DLX1: variants seen among roughly 807,000 people sequenced by gnomAD.
The protein encoded by DLX1 is homeobox protein DLX-1.
DLX1 carries 7 observed loss-of-function variants against 25.0 expected under a neutral mutation model. That is an observed-to-expected ratio of 0.28 (90% CI 0.16 to 0.52). The LOEUF (loss-of-function observed/expected upper bound fraction) is 0.52. DLX1 is among the 20% of genes least tolerant of loss of function. DLX1 has a pLI of 0.96. For missense variants in DLX1, 233 were observed against 334.4 expected, an observed-to-expected ratio of 0.70 and a Z score of 2.37; for synonymous variants, 155 against 140.3, an observed-to-expected ratio of 1.10 and a Z score of -0.74.
At position 172,087,663 on chromosome 2, in the gene DLX1, T is replaced by C. The variant is rs1041752625; in HGVS notation, c.514-340T>C. 4 of 553,260 alleles carry C rather than the reference T, an allele frequency of 7.2e-6. No homozygotes were observed. In the African/African-American group the frequency reaches 7.5e-5, roughly 10 times the overall value. The allele number at this position is 553,260 out of a possible 1,614,324, so 34.3% of individuals were successfully genotyped here. A position where few individuals can be genotyped will look rare whatever the true frequency, so the allele number is the denominator to read the frequency against. ...TATTGGAATTGCTGGCTCGGTGTTA[T>C]GCAGGCGCTGTATCTTCCGCAGGCG... On this transcript the variant is annotated intron_variant, in intron 2 of 2. Transcript: ENST00000361725.
At chr2:172,087,637 A>G (rs1173505497) in intron 2 of DLX1, 1 of 508,628 alleles carries the variant, frequency 2.0e-6, no homozygotes, top group Admixed American at 2.3e-5. Flanking sequence ...ATTGATGTTG[A>G]TATTGGAATT....
In DLX1 at chr2:172,088,027, C is replaced by A. The variant is rs759462574; in HGVS notation, c.538C>A (p.Arg180=). ...GGTCAAGATCTGGTTCCAAAACAAG[C>A]GATCCAAGTTCAAGAAGCTGATGAA... is the stretch of plus-strand genomic sequence containing the variant. ...TQVKIWFQNK[R]SKFKKLMKQG... is the part of the protein sequence containing the mutation. Residue 180 remains arginine (R), a synonymous_variant, in exon 3 of 3, where the codon CGA becomes AGA. Coordinates refer to ENST00000361725, the MANE Select transcript of DLX1 (RefSeq NM_178120.5). The A allele has an allele frequency of 2.6e-6, 4 of 1,514,544 alleles. No individual in the cohort carries two copies. In the South Asian group the frequency reaches 4.0e-5, roughly 15 times the overall value. The allele number at this position is 1,514,544 out of a possible 1,614,324, so 93.8% of individuals were successfully genotyped here.
Position 172,088,163 on chromosome 2 carries a change from G to C in DLX1, c.674G>C (p.Gly225Ala), listed in dbSNP as rs1419038406. The change falls in exon 3 of 3, where the codon GGC (glycine) becomes GCC (alanine). Residue 225 changes from glycine to alanine, a missense_variant. Gly to Ala is a moderately conservative substitution (Grantham distance 60, BLOSUM62 0). Coordinates refer to ENST00000361725, the MANE Select transcript of DLX1 (RefSeq NM_178120.5). ...GWNPNSSSGK[G>A]SGGNAGSYIP... is the part of the protein sequence containing the mutation. ...AACCCTAACTCTTCATCCGGGAAGG[G>C]CTCAGGAGGAAACGCGGGCTCCTAT... The C allele has an allele frequency of 1.2e-6, 2 of 1,610,112 alleles. No homozygotes were observed. The highest frequency in any genetic ancestry group is 2.3e-5 in the East Asian group (1 of 44,432).
At chr2:172,087,282 G>T (rs892341821) in intron 2 of DLX1, 14 of 379,024 alleles carry the variant, frequency 3.7e-5, no homozygotes, top group Admixed American at 1.4e-4. Flanking sequence ...GGTTGGGGGT[G>T]GGGGGAGATC....
chr2:172,085,819 G>C lies in DLX1; in HGVS notation c.142G>C (p.Ala48Pro), dbSNP rs745554362. ...CTACTCCATGCACTGTTTACACTCG[G>C]CGGGCCATTCGCAGCCCGACGGCGC... ...GHYSMHCLHS[A>P]GHSQPDGAYS... Residue 48 changes from alanine (A) to proline (P), a missense_variant, in exon 1 of 3, where the codon GCG becomes CCG. Physicochemically the swap from Ala to Pro is conservative, Grantham distance 27. Coordinates refer to ENST00000361725, the MANE Select transcript of DLX1 (RefSeq NM_178120.5). The surrounding 1 kb of genome is among the most constrained non-coding windows in gnomAD (Gnocchi z 4.3). 6.2e-7 allele frequency: 1 copy of C among 1,614,186 alleles called. No individual in the cohort carries two copies. The highest frequency in any genetic ancestry group is 1.1e-5 in the South Asian group (1 of 91,082).
At position 172,086,011 on chromosome 2, in the gene DLX1, G is replaced by C. The variant is rs1234884198; in HGVS notation, c.313+21G>C. 3.1e-6 allele frequency: 5 copies of C among 1,594,976 alleles called. No individual in the cohort carries two copies. In the South Asian group the frequency reaches 5.6e-5, roughly 18 times the overall value. ...CCCAGGTACGTGCGCTTGCCAGGGAGAGGGAGAGGAGGAGGTACAAGGGAG... is the reference window on the plus strand; with the variant it reads ...CCCAGGTACGTGCGCTTGCCAGGGACAGGGAGAGGAGGAGGTACAAGGGAG... On this transcript the variant is annotated intron_variant, in intron 1 of 2. Coordinates refer to ENST00000361725, the MANE Select transcript of DLX1 (RefSeq NM_178120.5).
At chr2:172,087,804 A>C (rs705868) in intron 2 of DLX1, among the ~76,000 whole-genome samples, 199 bp from the exon 3 acceptor site, 149,537 of 152,296 alleles carry the variant, frequency 0.98, 73,468 homozygotes, top group Middle Eastern at 1. Flanking sequence ...CGGCGGCGGG[A>C]GGTTCGGCCT....
intron 2 of DLX1, chr2:172,087,374 C>G (rs1009189661): frequency 1.8e-5 from 7 of 390,430 alleles, no homozygotes; most frequent in Non-Finnish European, 3.5e-5. Context: ...TGTAAGACTC[C>G]GGGGAGCCCG....
chr2:172,086,273 C>T (rs1690837625), intron 1 of DLX1: 6 of 518,972 alleles, frequency 1.2e-5, no homozygotes, highest in Admixed American at 3.6e-5. Flanking sequence ...CTGGGCGGCT[C>T]GGTGTGCAGA....
intron 1 of DLX1, chr2:172,086,198 C>T: frequency 1.7e-6 from 1 of 601,244 alleles, no homozygotes; most frequent in East Asian, 2.8e-5. Context: ...TTTAAAAATT[C>T]CCTCAATTTG....
rs560577534 is a variant in DLX1, at chr2:172,086,594, G to A, written c.314-60G>A. On this transcript the variant is annotated intron_variant, in intron 1 of 2. Transcript: ENST00000361725. Reference sequence around the variant, plus strand: ...CTTCGGTAGCCACTCGCTCTCGGCTGTTCGCACTAAAGGCGGCCCCTCGTA... The same window carrying A: ...CTTCGGTAGCCACTCGCTCTCGGCTATTCGCACTAAAGGCGGCCCCTCGTA... 2.0e-6 allele frequency: 3 copies of A among 1,472,506 alleles called. No individual in the cohort carries two copies. The South Asian group carries it at 4.1e-5, about 20-fold the overall frequency. 91.2% of individuals were successfully genotyped at this position (1,472,506 alleles called of 1,614,324 possible). A position where few individuals can be genotyped will look rare whatever the true frequency, so the allele number is the denominator to read the frequency against.
In DLX1 at chr2:172,088,445, C is replaced by A; in HGVS notation, c.*188C>A. 1.4e-6 allele frequency: 1 copy of A among 719,554 alleles called. No homozygotes were observed. Among genetic ancestry groups the A allele is most frequent in the Non-Finnish European group, 2.0e-6 (1 of 505,762 alleles). The allele number at this position is 719,554 out of a possible 1,614,324, so 44.6% of individuals were successfully genotyped here. ...CCCGGCATCCGCGCTCTAGCCTGAA[C>A]CCTGGCCTGGGCCGAGCAGTGGCAG... On this transcript the variant is annotated 3_prime_UTR_variant, in exon 3 of 3. Coordinates refer to ENST00000361725, the MANE Select transcript of DLX1 (RefSeq NM_178120.5).
chr2:172,087,085 A>T, intron 2 of DLX1: 1 of 709,082 alleles, frequency 1.4e-6, no homozygotes, highest in Non-Finnish European at 2.6e-6. Context: ...CTGTCCCTGG[A>T]CAATCTGATT....
intron 2 of DLX1, chr2:172,087,275 TG>T: frequency 8.0e-6 from 3 of 375,650 alleles, no homozygotes; most frequent in South Asian, 4.0e-5. Flanking sequence ...TCTTACCGGT[TG>T]GGGGTGGGGG....
chr2:172,085,658 C>T lies in DLX1; in HGVS notation c.-20C>T, dbSNP rs954677303. On this transcript the variant is annotated 5_prime_UTR_variant, in exon 1 of 3. Coordinates refer to ENST00000361725, the MANE Select transcript of DLX1 (RefSeq NM_178120.5). The surrounding 1 kb of genome is among the most constrained non-coding windows in gnomAD (Gnocchi z 4.3). ...GAAGCAGAGGAGAGAAAGTCCCACA[C>T]CCAGACCCCGCGAGAAGAGATGACC... is the stretch of plus-strand genomic sequence containing the variant. 16 of 1,604,276 alleles carry T rather than the reference C, an allele frequency of 1.0e-5. No homozygotes were observed. The highest frequency in any genetic ancestry group is 1.3e-5 in the Non-Finnish European group (15 of 1,175,032).
chr2:172,088,599 A>C lies in DLX1; in HGVS notation c.*342A>C. 37 of 238,344 alleles carry C rather than the reference A, an allele frequency of 1.6e-4. No individual in the cohort carries two copies. The highest frequency in any genetic ancestry group is 4.7e-4 in the East Asian group (6 of 12,774). 14.8% of individuals were successfully genotyped at this position (238,344 alleles called of 1,614,324 possible). A position where few individuals can be genotyped will look rare whatever the true frequency, so the allele number is the denominator to read the frequency against. On this transcript the variant is annotated 3_prime_UTR_variant, in exon 3 of 3. Coordinates refer to ENST00000361725, the MANE Select transcript of DLX1 (RefSeq NM_178120.5). ...CAGGAAAAAACAAAACAAAAACAAA[A>C]TGTAGAAAAAGCAAAAGCTCTTTTC...
intron 2 of DLX1, 131 bp from the exon 3 acceptor site, chr2:172,087,872 G>A: frequency 2.3e-6 from 3 of 1,308,952 alleles, no homozygotes; most frequent in South Asian, 2.9e-5. Flanking sequence ...TGCTTCTCTG[G>A]CAGGGAGCTG....
In DLX1 at chr2:172,088,203, A is replaced by T. The variant is rs755452975; in HGVS notation, c.714A>T (p.Thr238=). The change falls in exon 3 of 3, where the codon ACA becomes ACT. Residue 238 remains threonine (T), a synonymous_variant. Transcript: ENST00000361725. ...GNAGSYIPSY[T]SWYPSAHQEA... is the part of the protein sequence containing the mutation. Reference sequence around the variant, plus strand: ...CGGGCTCCTATATCCCCAGCTACACATCGTGGTACCCTTCAGCGCACCAAG... The same window carrying T: ...CGGGCTCCTATATCCCCAGCTACACTTCGTGGTACCCTTCAGCGCACCAAG... 5 of 1,598,308 alleles carry T rather than the reference A, an allele frequency of 3.1e-6. No homozygotes were observed. The highest frequency in any genetic ancestry group is 3.4e-6 in the Non-Finnish European group (4 of 1,172,080).
Position 172,085,931 on chromosome 2 carries a change from G to A in DLX1, c.254G>A (p.Ser85Asn), listed in dbSNP as rs374426875. 6 of 1,614,038 alleles carry A rather than the reference G, an allele frequency of 3.7e-6. No homozygotes were observed. The highest frequency in any genetic ancestry group is 2.2e-5 in the South Asian group (2 of 91,082). ...VSSHASSPYI[S>N]SVQSYPGSAS... ...AGCCACGCATCCAGCCCCTACATCA[G>A]TTCGGTGCAGTCCTACCCGGGCAGC... Residue 85 changes from serine (S) to asparagine (N), a missense_variant, in exon 1 of 3, where the codon AGT (serine) becomes AAT (asparagine). Around this residue, in one of 3 missense-constraint regions of DLX1, gnomAD observed 126 missense variants for 170.4 expected, o/e 0.74. Coordinates refer to ENST00000361725, the MANE Select transcript of DLX1 (RefSeq NM_178120.5). This position sits in a 1 kb window ranked among gnomAD's most constrained non-coding sequence, Gnocchi z 4.3.
Sources: gnomAD v4.1 joint callset for allele counts (sites outside exome capture counted in the v4.1 genomes callset) on GRCh38, gnomAD v4.1.1 for gene constraint, gnomAD v4.1.1 regional missense constraint, Gnocchi (gnomAD v3.1) non-coding constraint, MANE v1.5 for transcripts, NCBI Gene and HGNC (gene_info 2026-07-23, HGNC 2026-07-21) for gene names.